The following KRT33A variants were observed in gnomAD, a reference collection of about 807,000 sequenced individuals.
KRT33A encodes the protein keratin, type I cuticular Ha3-I.
KRT33A carries 44 observed loss-of-function variants against 41.1 expected under a neutral mutation model. The ratio of observed to expected loss-of-function variants is 1.07; its 90% CI spans 0.84 to 1.38. The LOEUF is 1.38. Ranked by LOEUF, KRT33A falls within the 40% of genes most tolerant of loss-of-function variation. The pLI is 0.00. For synonymous variants in KRT33A, 229 were observed against 227.8 expected (o/e 1.01, Z -0.05); for missense variants, 536 against 518.5 (o/e 1.03, Z -0.33).
chr17:41,346,729 T>G, intron 5 of KRT33A, 61 bp from the exon 6 acceptor site: 1 of 1,609,678 alleles, frequency 6.2e-7, no homozygotes, highest in South Asian at 1.1e-5. Flanking sequence ...CTCCATGGGG[T>G]TCCAAAGAAC....
chr17:41,346,544 C>A lies in KRT33A; in HGVS notation c.1001G>T (p.Arg334Leu). The change falls in exon 6 of 7, where the codon CGG (arginine) becomes CTG (leucine). Residue 334 changes from arginine (R) to leucine (L), a missense_variant. Physicochemically the swap from Arg to Leu is moderately radical, Grantham distance 102. Transcript: ENST00000007735. ...CAGCACCTGATACTCCTGGTTCTGC[C>A]GCTCCAGGTCACTGCGGATCTCCGC... ...QLAEIRSDLE[R>L]QNQEYQVLLD... 6.2e-7 allele frequency: 1 copy of A among 1,614,182 alleles called. No individual in the cohort carries two copies. The highest frequency in any genetic ancestry group is 8.5e-7 in the Non-Finnish European group (1 of 1,180,028).
Position 41,346,270 on chromosome 17 carries a change from T to C in KRT33A, c.1098-34A>G, listed in dbSNP as rs374061205. 1.9e-6 allele frequency: 3 copies of C among 1,600,394 alleles called. No individual in the cohort carries two copies. The African/African-American group carries it at 4.0e-5, about 21-fold the overall frequency. ...AGAAAATCATTGGAGCAAGTTAGAG[T>C]AAAATGAGCTGAAGAGATTGGAAAA... is the stretch of plus-strand genomic sequence containing the variant. On this transcript the variant is annotated intron_variant, in intron 6 of 6. Coordinates refer to ENST00000007735, the MANE Select transcript of KRT33A (RefSeq NM_004138.4).
chr17:41,347,356 A>T (rs1198519808), intron 3 of KRT33A, 134 bp from the exon 4 acceptor site: 41 of 1,094,698 alleles, frequency 3.7e-5, no homozygotes, highest in Non-Finnish European at 4.9e-5. Context: ...ACTAACCAGG[A>T]TCTATATTCA....
chr17:41,347,624 A>G (rs375456878), intron 3 of KRT33A, among the ~76,000 whole-genome samples: 6 of 152,266 alleles, frequency 3.9e-5, no homozygotes, highest in East Asian at 3.8e-4. Flanking sequence ...TAAAGAGGAA[A>G]TACAGAATGC....
At position 41,348,507 on chromosome 17, in the gene KRT33A, C is replaced by G. The variant is rs775929520; in HGVS notation, c.564G>C (p.Leu188=). The change falls in exon 3 of 7, where the codon CTG becomes CTC. Residue 188 remains leucine, a synonymous_variant. Transcript: ENST00000007735. ...CCTGCTCATGGTTCTGCTTGAGGCA[C>G]AGCAGCTCCTCCTTCAGGGACTCCA... ...AQVESLKEEL[L]CLKQNHEQEV... The G allele has an allele frequency of 2.5e-6, 4 of 1,613,964 alleles. No homozygotes were observed. The East Asian group carries it at 6.7e-5, about 27-fold the overall frequency.
In KRT33A at chr17:41,349,372, C is replaced by T. The variant is rs867867640; in HGVS notation, c.405G>A (p.Lys135=). The T allele has an allele frequency of 3.1e-6, 5 of 1,614,112 alleles. No individual in the cohort carries two copies. The highest frequency in any genetic ancestry group is 1.6e-4 in the Middle Eastern group (1 of 6,062). Residue 135 remains lysine, a synonymous_variant, in exon 2 of 7, where the codon AAG becomes AAA. Transcript: ENST00000007735. ...ARLVVQIDNA[K]LASDDFRTKY... is the part of the protein sequence containing the mutation. ...TGGTCCTGAAGTCATCTGAGGCCAG[C>T]TTGGCATTGTCGATCTGCACCACAA... is the stretch of plus-strand genomic sequence containing the variant.
At position 41,349,326 on chromosome 17, in the gene KRT33A, C is replaced by T. The variant is rs776541646; in HGVS notation, c.431+20G>A. 1.2e-6 allele frequency: 2 copies of T among 1,612,308 alleles called. No homozygotes were observed. The highest frequency in any genetic ancestry group is 2.2e-5 in the East Asian group (1 of 44,874). On this transcript the variant is annotated intron_variant, in intron 2 of 6. Transcript: ENST00000007735. ...GCCAGAGAAGAGAAATAAACAGCAA[C>T]ACCCCGCTTGCCCACTCACTTGGTC...
chr17:41,350,535 T>C lies in KRT33A; in HGVS notation c.233A>G (p.Glu78Gly). The C allele has an allele frequency of 8.1e-6, 13 of 1,614,050 alleles. No homozygotes were observed. Among genetic ancestry groups the C allele is most frequent in the Non-Finnish European group, 9.3e-6 (11 of 1,180,018 alleles). ...ASYLEKVRQL[E>G]RDNAELENLI... ...GTTCTCCAGCTCCGCGTTGTCCCGC[T>C]CCAGCTGACGCACCTTCTCCAGGTA... Residue 78 changes from glutamate (E) to glycine (G), a missense_variant, in exon 1 of 7, where the codon GAG becomes GGG. Transcript: ENST00000007735.
intron 1 of KRT33A, among the ~76,000 whole-genome samples, chr17:41,349,629 A>C (rs566130522): frequency 1.3e-5 from 2 of 152,222 alleles, no homozygotes; most frequent in Admixed American, 6.5e-5. Flanking sequence ...ATAAGTAGAT[A>C]ATCTTTTTTC....
At chr17:41,347,919 C>T (rs1248580843) in intron 3 of KRT33A, among the ~76,000 whole-genome samples, 1 of 152,230 alleles carries the variant, frequency 6.6e-6, no homozygotes, top group Non-Finnish European at 1.5e-5. Context: ...ACATACTAAG[C>T]ACTTGATTAA....
At chr17:41,346,812 A>G (rs369676230) in intron 5 of KRT33A, 32 bp downstream of exon 5, 46 of 1,610,014 alleles carry the variant, frequency 2.9e-5, no homozygotes, top group African/African-American at 2.5e-4. Context: ...CCAAGTTCCC[A>G]TCGCTCACCA....
Position 41,350,815 on chromosome 17 carries a change from G to A in KRT33A, c.-48C>T, listed in dbSNP as rs112978527. ...CTGAAGACAGAGTCCAAAATCTCCA[G>A]GTTGTAGAGCGGTGGGTCTCCTTCC... On this transcript the variant is annotated 5_prime_UTR_variant, in exon 1 of 7. Coordinates refer to ENST00000007735, the MANE Select transcript of KRT33A (RefSeq NM_004138.4). 2.0e-4 allele frequency: 318 copies of A among 1,561,360 alleles called. 19 individuals carry two copies. The African/African-American group carries it at 3.2e-3, about 16-fold the overall frequency.
At chr17:41,350,003 C>A (rs1473461015) in intron 1 of KRT33A, among the ~76,000 whole-genome samples, 1 of 152,100 alleles carries the variant, frequency 6.6e-6, no homozygotes, top group Non-Finnish European at 1.5e-5. Context: ...TAAGTAGGAA[C>A]CTAGAAGAGA....
chr17:41,348,584 G>T lies in KRT33A; in HGVS notation c.487C>A (p.Arg163Ser). ...AGGGTCAGCTCATCCAGGATCCTGC[G>T]CAGGCCATTGATGTCCGACTCCACC... ...QLVESDINGL[R>S]RILDELTLCR... The change falls in exon 3 of 7, where the codon CGC (arginine) becomes AGC (serine). Residue 163 changes from arginine to serine, a missense_variant. Arg to Ser is a moderately radical substitution (Grantham distance 110, BLOSUM62 -1). Transcript: ENST00000007735. 1 of 1,613,994 alleles carries T rather than the reference G, an allele frequency of 6.2e-7. No individual in the cohort carries two copies. Among genetic ancestry groups the T allele is most frequent in the Non-Finnish European group, 8.5e-7 (1 of 1,180,002 alleles).
At chr17:41,348,768 G>T in intron 2 of KRT33A, 129 bp from the exon 3 acceptor site, 2 of 977,956 alleles carry the variant, frequency 2.0e-6, no homozygotes, top group South Asian at 1.7e-5. Context: ...TTTTGTTTAG[G>T]TTTTCAGCAT....
chr17:41,346,284 G>A, intron 6 of KRT33A, 48 bp from the exon 7 acceptor site: 1 of 1,592,594 alleles, frequency 6.3e-7, no homozygotes, highest in Non-Finnish European at 8.6e-7. Context: ...ATGAGCTGAA[G>A]AGATTGGAAA....
intron 2 of KRT33A, 59 bp from the exon 3 acceptor site, chr17:41,348,698 G>T: frequency 1.3e-6 from 2 of 1,581,234 alleles, no homozygotes; most frequent in Non-Finnish European, 1.7e-6. Context: ...CCTTGACTCT[G>T]CTTTGGTTTG....
intron 2 of KRT33A, 45 bp downstream of exon 2, chr17:41,349,301 G>T (rs771552071): frequency 2.5e-6 from 4 of 1,581,550 alleles, no homozygotes; most frequent in Non-Finnish European, 3.5e-6. Flanking sequence ...AAGGAGGGCT[G>T]CCAGAGAAGA....
chr17:41,346,458 C>T lies in KRT33A; in HGVS notation c.1087G>A (p.Glu363Lys), dbSNP rs989489655. 20 of 1,613,924 alleles carry T rather than the reference C, an allele frequency of 1.2e-5. No individual in the cohort carries two copies. Among genetic ancestry groups the T allele is most frequent in the African/African-American group, 2.7e-5 (2 of 74,912 alleles). ...INTYRSLLES[E>K]DCKLPSNPCA... ...TACCCCCATACTGACTTGCAGTCCT[C>T]GCTCTCCAGCAGGCTCCGGTACGTG... The change falls in exon 6 of 7, where the codon GAG (glutamate) becomes AAG (lysine). Residue 363 changes from glutamate to lysine, a missense_variant. By Grantham distance (56) the Glu-to-Lys change is moderately conservative. Transcript: ENST00000007735.
Sources: gnomAD v4.1 joint callset for allele counts (sites outside exome capture counted in the v4.1 genomes callset) on GRCh38, gnomAD v4.1.1 for gene constraint, MANE v1.5 for transcripts, NCBI Gene and HGNC (gene_info 2026-07-23, HGNC 2026-07-21) for gene names.